Variants in COMMD10 observed in about 807,000 individuals in gnomAD.
COMMD10 encodes the protein COMM domain containing 10, also known as COMM domain-containing protein 10.
COMMD10 carries 33 observed loss-of-function variants against 28.9 expected under a neutral mutation model. The observed-to-expected ratio is 1.14, with a 90% CI of 0.87 to 1.53. The LOEUF is 1.53. COMMD10 is among the 40% of genes most tolerant of loss of function. The pLI is 0.00. For missense variants in COMMD10, 310 were observed against 233.4 expected (o/e 1.33, Z -2.14); for synonymous variants, 110 against 81.7 (o/e 1.35, Z -1.87).
intron 5 of COMMD10, among the ~76,000 whole-genome samples, chr5:116,257,454 T>C (rs188971968): frequency 6.6e-6 from 1 of 151,744 alleles, no homozygotes; most frequent in Non-Finnish European, 1.5e-5. Context: ...TATTTAATTT[T>C]CATATGAAAT....
intron 5 of COMMD10, among the ~76,000 whole-genome samples, chr5:116,289,616 T>C (rs1249682394): frequency 6.6e-6 from 1 of 151,872 alleles, no homozygotes; most frequent in Non-Finnish European, 1.5e-5. Flanking sequence ...AGCCAGAATG[T>C]TGGATGTATG....
intron 5 of COMMD10, among the ~76,000 whole-genome samples, chr5:116,146,502 G>C (rs997858848): frequency 6.6e-6 from 1 of 151,846 alleles, no homozygotes; most frequent in Non-Finnish European, 1.5e-5. Context: ...CTTCAAGACA[G>C]AGTAAAGATG....
chr5:116,160,277 CTA>C (rs1274142851), intron 5 of COMMD10, among the ~76,000 whole-genome samples: 4 of 152,190 alleles, frequency 2.6e-5, no homozygotes, highest in Non-Finnish European at 2.9e-5. Flanking sequence ...TGAGGACAAA[CTA>C]TGAGTTTTTA....
In COMMD10 at chr5:116,182,317, AAGAGAAAGAGG is replaced by A. The variant is rs535380819; in HGVS notation, c.510+48147_510+48157del. On this transcript the variant is annotated intron_variant, in intron 5 of 6. Coordinates refer to ENST00000274458, the MANE Select transcript of COMMD10 (RefSeq NM_016144.4). ...GGATGGAAGGCAGGGAGGGAGGTGA[AAGAGAAAGAGG>A]AGAGAAATTAAGAACAATAGGTTTC... 4.8e-3 allele frequency among the ~76,000 whole-genome samples: 721 copies of A among 151,614 alleles called. 5 individuals are homozygous for A. Among genetic ancestry groups the A allele is most frequent in the African/African-American group, 0.015 (614 of 41,214 alleles).
At chr5:116,217,922 A>G in intron 5 of COMMD10, 1 of 697,604 alleles carries the variant, frequency 1.4e-6, no homozygotes, top group Non-Finnish European at 2.6e-6. Flanking sequence ...CTCAAAAAAA[A>G]AAAGTAAAAC....
chr5:116,254,076 T>C (rs1750205427), intron 5 of COMMD10, among the ~76,000 whole-genome samples: 1 of 152,194 alleles, frequency 6.6e-6, no homozygotes, highest in Non-Finnish European at 1.5e-5. Context: ...TTTTCTAGTT[T>C]ATTTGCATAG....
chr5:116,189,209 G>A (rs1037327135), intron 5 of COMMD10, among the ~76,000 whole-genome samples: 13 of 152,080 alleles, frequency 8.5e-5, no homozygotes, highest in Non-Finnish European at 1.2e-4. Context: ...GTTGGAAATC[G>A]CTGCATGAGA....
intron 5 of COMMD10, among the ~76,000 whole-genome samples, chr5:116,170,151 AAAATCAGTGTGCACAAATC>A (rs1324176550): frequency 6.6e-6 from 1 of 152,214 alleles, no homozygotes; most frequent in Non-Finnish European, 1.5e-5. Flanking sequence ...CTCAGGATAC[AAAATCAGTGTGCACAAATC>A]ACAAGCATTC....
intron 4 of COMMD10, among the ~76,000 whole-genome samples, chr5:116,105,212 A>G (rs1357927117): frequency 1.3e-5 from 2 of 152,070 alleles, no homozygotes; most frequent in East Asian, 1.9e-4. Context: ...ATCTGTTGAG[A>G]TAATCTTGTT....
chr5:116,243,122 A>G (rs770405359), intron 5 of COMMD10, among the ~76,000 whole-genome samples: 19 of 152,214 alleles, frequency 1.2e-4, no homozygotes, highest in Non-Finnish European at 2.1e-4. Context: ...CAAATAGACA[A>G]CTTGTCATAT....
At chr5:116,162,883 T>TA (rs372434147) in intron 5 of COMMD10, among the ~76,000 whole-genome samples, 4 of 111,866 alleles carry the variant, frequency 3.6e-5, no homozygotes, top group Admixed American at 8.1e-5. Context: ...TTTTAAAAAA[T>TA]TATCAGATAT....
At chr5:116,239,097 G>A (rs1472467428) in intron 5 of COMMD10, among the ~76,000 whole-genome samples, 2 of 152,132 alleles carry the variant, frequency 1.3e-5, no homozygotes, top group Non-Finnish European at 1.5e-5. Context: ...ACAGAGAACA[G>A]CAAAGCTTGT....
intron 4 of COMMD10, among the ~76,000 whole-genome samples, chr5:116,131,418 T>C (rs1751858220): frequency 6.6e-6 from 1 of 151,430 alleles, no homozygotes; most frequent in Non-Finnish European, 1.5e-5. Context: ...TATGTATGTA[T>C]GTATGTATGT....
intron 5 of COMMD10, among the ~76,000 whole-genome samples, chr5:116,237,479 A>G (rs1314522180): frequency 6.6e-6 from 1 of 152,184 alleles, no homozygotes; most frequent in African/African-American, 2.4e-5. Context: ...AAAAAATACT[A>G]CATCAAGCTT....
At chr5:116,087,812 G>A (rs143784456) in intron 2 of COMMD10, among the ~76,000 whole-genome samples, 1 of 152,298 alleles carries the variant, frequency 6.6e-6, no homozygotes, top group East Asian at 1.9e-4. Flanking sequence ...TATTTTATAT[G>A]CTAGTGTTTG....
At chr5:116,237,803 G>C (rs1292350909) in intron 5 of COMMD10, among the ~76,000 whole-genome samples, 1 of 152,164 alleles carries the variant, frequency 6.6e-6, no homozygotes, top group African/African-American at 2.4e-5. Context: ...CAAGTTAGCA[G>C]TGGTGTTAAA....
At chr5:116,268,197 C>T (rs1331903043) in intron 5 of COMMD10, among the ~76,000 whole-genome samples, 1 of 151,732 alleles carries the variant, frequency 6.6e-6, no homozygotes, top group Non-Finnish European at 1.5e-5. Flanking sequence ...TGCAATCTAC[C>T]CATCTGACAA....
intron 5 of COMMD10, among the ~76,000 whole-genome samples, chr5:116,199,300 C>T (rs1748605181): frequency 6.6e-6 from 1 of 152,054 alleles, no homozygotes; most frequent in Admixed American, 6.6e-5. Flanking sequence ...CACTTTTAAG[C>T]TGTGTTTTCT....
intron 5 of COMMD10, among the ~76,000 whole-genome samples, chr5:116,144,924 A>G (rs982060124): frequency 2.0e-5 from 3 of 151,856 alleles, no homozygotes; most frequent in African/African-American, 4.8e-5. Flanking sequence ...AAAATGATGC[A>G]GAATGGAGAG....
Sources: allele counts gnomAD v4.1 joint callset (sites outside exome capture counted in the v4.1 genomes callset), GRCh38; gene constraint gnomAD v4.1.1; transcripts MANE v1.5; gene names NCBI Gene and HGNC (gene_info 2026-07-23, HGNC 2026-07-21).